Variants in RIMS1 observed in about 807,000 individuals in gnomAD.
The protein encoded by RIMS1 is regulating synaptic membrane exocytosis protein 1.
RIMS1 carries 83 observed loss-of-function variants against 214.1 expected under a neutral mutation model. That is an observed-to-expected ratio of 0.39 (90% CI 0.32 to 0.47). The LOEUF (loss-of-function observed/expected upper bound fraction) is 0.47. Ranked by LOEUF, RIMS1 falls within the 20% of genes least tolerant of loss-of-function variation. The probability of loss-of-function intolerance (pLI) is 0.99; values close to 1 mark genes in which losing one functional copy is unlikely to be tolerated. For missense variants in RIMS1, 2,050 were observed against 2,161.8 expected (o/e 0.95, Z 1.03); for synonymous variants, 793 against 786.8 (o/e 1.01, Z -0.13).
rs200655727 is a variant in RIMS1 at position 72,093,228 on chromosome 6, A to ATATATATATATATATATATAT, written c.246-3721_246-3720insTATATATATATATATATATAT. 4.6e-3 allele frequency among the ~76,000 whole-genome samples: 624 copies of ATATATATATATATATATATAT among 136,934 alleles called. 21 individuals carry two copies. Among genetic ancestry groups the ATATATATATATATATATATAT allele is most frequent in the Middle Eastern group, 0.012 (3 of 258 alleles). 89.8% of individuals were successfully genotyped at this position (136,934 alleles called of 152,430 possible). A position where few individuals can be genotyped will look rare whatever the true frequency, so the allele number is the denominator to read the frequency against. On this transcript the variant is annotated intron_variant, in intron 2 of 33. Transcript: ENST00000521978. Reference sequence around the variant, plus strand: ...TATGTGAGTATATATATATATATATAAAAACATGTGTGTATATATGTATAT... The same window carrying ATATATATATATATATATATAT: ...TATGTGAGTATATATATATATATATATATATATATATATATATATATAAAACATGTGTGTATATATGTATAT...
chr6:72,225,895 C>T (rs2697437), intron 6 of RIMS1, among the ~76,000 whole-genome samples: 107,194 of 152,042 alleles, frequency 0.71, 38,677 homozygotes, highest in East Asian at 0.98. Context: ...ATATTTAGAT[C>T]CTGGGAGGGA....
At chr6:72,323,878 G>A (rs2096297005) in intron 28 of RIMS1, among the ~76,000 whole-genome samples, 1 of 151,772 alleles carries the variant, frequency 6.6e-6, no homozygotes, top group Non-Finnish European at 1.5e-5. Context: ...TGAAATTTCA[G>A]CACATATTAT....
At chr6:72,196,377 GTCTATCTATCTA>G (rs3047577) in intron 6 of RIMS1, among the ~76,000 whole-genome samples, 109 of 144,080 alleles carry the variant, frequency 7.6e-4, no homozygotes, top group African/African-American at 1.1e-3. Flanking sequence ...CTGTCTGTCT[GTCTATCTATCTA>G]TCTATCTATC....
intron 2 of RIMS1, among the ~76,000 whole-genome samples, chr6:72,095,626 G>A (rs2031322981): frequency 6.6e-6 from 1 of 152,168 alleles, no homozygotes; most frequent in African/African-American, 2.4e-5. Context: ...AGGGATTTGA[G>A]AATTTTTAAA....
chr6:72,132,080 C>T (rs1250643472), intron 4 of RIMS1, among the ~76,000 whole-genome samples: 3 of 152,116 alleles, frequency 2.0e-5, no homozygotes, highest in East Asian at 1.9e-4. Flanking sequence ...TTTAAATACA[C>T]GTGCTCTACA....
intron 10 of RIMS1, among the ~76,000 whole-genome samples, chr6:72,245,326 A>T (rs777966606): frequency 6.6e-6 from 1 of 151,898 alleles, no homozygotes; most frequent in Non-Finnish European, 1.5e-5. Context: ...TTACTTTCCA[A>T]AGCAACTCAT....
intron 33 of RIMS1, among the ~76,000 whole-genome samples, chr6:72,400,198 A>G (rs532748301): frequency 6.6e-6 from 1 of 152,174 alleles, no homozygotes; most frequent in Non-Finnish European, 1.5e-5. Flanking sequence ...TGTTGCATTC[A>G]TATAAAAATA....
rs551488742 is a variant in RIMS1, at chr6:72,159,399, T to A, written c.472-20176T>A. Among the ~76,000 whole-genome samples the A allele has an allele frequency of 1.3e-3, 180 of 141,134 alleles. 9 individuals carry two copies. The highest frequency in any genetic ancestry group is 4.2e-3 in the African/African-American group (170 of 40,728). 92.6% of individuals were successfully genotyped at this position (141,134 alleles called of 152,430 possible). A position where few individuals can be genotyped will look rare whatever the true frequency, so the allele number is the denominator to read the frequency against. Reference sequence around the variant, plus strand: ...GCTGTGCAGAAGCTCTTTAGTTAGATCCCATTTGTCAATTTTGGCTTTTGT... The same window carrying A: ...GCTGTGCAGAAGCTCTTTAGTTAGAACCCATTTGTCAATTTTGGCTTTTGT... On this transcript the variant is annotated intron_variant, in intron 4 of 33. Coordinates refer to ENST00000521978, the MANE Select transcript of RIMS1 (RefSeq NM_014989.7).
In RIMS1 at chr6:72,152,792, AATATATGTAT is replaced by A. The variant is rs1345467911; in HGVS notation, c.472-26765_472-26756del. Among the ~76,000 whole-genome samples, 231 of 109,448 alleles carry A rather than the reference AATATATGTAT, an allele frequency of 2.1e-3. 5 individuals are homozygous for A. The highest frequency in any genetic ancestry group is 0.011 in the Middle Eastern group (2 of 176). The allele number at this position is 109,448 out of a possible 152,430, so 71.8% of individuals were successfully genotyped here. On this transcript the variant is annotated intron_variant, in intron 4 of 33. Transcript: ENST00000521978. ...TATGTATATATATGTATATATATGG[AATATATGTAT>A]ATATATGTATATATATGGAATATAT...
rs977942184 is a variant in RIMS1 at position 72,154,589 on chromosome 6, G to T, written c.472-24986G>T. On this transcript the variant is annotated intron_variant, in intron 4 of 33. Transcript: ENST00000521978. ...ACTCTTTCTATTATCATGCCCTTGCGCAAGTATCAACTTTGACAACTACCC... is the reference window on the plus strand; with the variant it reads ...ACTCTTTCTATTATCATGCCCTTGCTCAAGTATCAACTTTGACAACTACCC... Among the ~76,000 whole-genome samples, 15 of 140,696 alleles carry T rather than the reference G, an allele frequency of 1.1e-4. 3 individuals carry two copies. The highest frequency in any genetic ancestry group is 2.4e-4 in the Non-Finnish European group (15 of 61,936). The allele number at this position is 140,696 out of a possible 152,430, so 92.3% of individuals were successfully genotyped here.
At chr6:72,181,008 T>C (rs2048334347) in intron 5 of RIMS1, among the ~76,000 whole-genome samples, 2 of 152,296 alleles carry the variant, frequency 1.3e-5, no homozygotes, top group Admixed American at 6.5e-5. Flanking sequence ...AAGCCAGTAG[T>C]CATTGTGTAT....
intron 1 of RIMS1, among the ~76,000 whole-genome samples, chr6:71,945,596 A>C (rs923515883): frequency 6.6e-6 from 1 of 152,148 alleles, no homozygotes; most frequent in Non-Finnish European, 1.5e-5. Flanking sequence ...TTTTTTCCTA[A>C]GATCAGAAAC....
At chr6:72,005,365 G>A (rs1584674768) in intron 2 of RIMS1, among the ~76,000 whole-genome samples, 2 of 152,068 alleles carry the variant, frequency 1.3e-5, no homozygotes, top group African/African-American at 4.8e-5. Context: ...CTCTTTTTTG[G>A]TTCCATATGA....
chr6:72,124,097 G>A (rs564923739), intron 4 of RIMS1, among the ~76,000 whole-genome samples: 4 of 151,944 alleles, frequency 2.6e-5, no homozygotes, highest in African/African-American at 7.2e-5. Context: ...GCATGTTTTT[G>A]CAGTGGCTGG....
intron 24 of RIMS1, among the ~76,000 whole-genome samples, chr6:72,285,162 ACTT>A (rs2091860676): frequency 6.6e-6 from 1 of 152,214 alleles, no homozygotes; most frequent in Non-Finnish European, 1.5e-5. Flanking sequence ...AAGAATTTCA[ACTT>A]CTTTATTGAT....
intron 2 of RIMS1, among the ~76,000 whole-genome samples, chr6:72,062,842 G>A (rs545046268): frequency 2.6e-5 from 4 of 152,004 alleles, no homozygotes; most frequent in Non-Finnish European, 5.9e-5. Context: ...CACTACAACC[G>A]CCATCTTCAC....
At chr6:72,052,906 G>T (rs997907895) in intron 2 of RIMS1, among the ~76,000 whole-genome samples, 4 of 152,106 alleles carry the variant, frequency 2.6e-5, no homozygotes, top group Non-Finnish European at 4.4e-5. Context: ...ACAAGCTGGT[G>T]GGGAATTTGC....
At chr6:72,223,518 G>A (rs2059191654) in intron 6 of RIMS1, among the ~76,000 whole-genome samples, 3 of 152,016 alleles carry the variant, frequency 2.0e-5, no homozygotes, top group Admixed American at 2.0e-4. Flanking sequence ...GTAGCCAAGT[G>A]AAATAAATTT....
intron 1 of RIMS1, among the ~76,000 whole-genome samples, chr6:71,908,534 G>T (rs1301180905): frequency 6.6e-6 from 1 of 152,172 alleles, no homozygotes; most frequent in Non-Finnish European, 1.5e-5. Flanking sequence ...CTTCCTGTCA[G>T]GGTGCAGTCA....
Sources: allele counts gnomAD v4.1 joint callset (sites outside exome capture counted in the v4.1 genomes callset), GRCh38; gene constraint gnomAD v4.1.1; transcripts MANE v1.5; gene names NCBI Gene and HGNC (gene_info 2026-07-23, HGNC 2026-07-21).